KAZN: variants seen among roughly 807,000 people sequenced by gnomAD.
KAZN encodes kazrin, periplakin interacting protein, also known as kazrin.
KAZN carries 40 observed loss-of-function variants against 87.4 expected under a neutral mutation model. The observed-to-expected ratio is 0.46, with a 90% CI of 0.36 to 0.60. The LOEUF (loss-of-function observed/expected upper bound fraction) is 0.60. Among genes scored for constraint, KAZN ranks in the 20% least tolerant of loss-of-function variants. The probability of loss-of-function intolerance (pLI) is 0.00; values close to 1 mark genes in which losing one functional copy is unlikely to be tolerated. For synonymous variants in KAZN, 466 were observed against 458.3 expected, an observed-to-expected ratio of 1.02 and a Z score of -0.22; for missense variants, 898 against 1,073.9, an observed-to-expected ratio of 0.84 and a Z score of 2.29.
At chr1:14,719,116 C>T (rs1642960237) in intron 1 of KAZN, among the ~76,000 whole-genome samples, 1 of 152,204 alleles carries the variant, frequency 6.6e-6, no homozygotes, top group African/African-American at 2.4e-5. Flanking sequence ...CATGTACTCT[C>T]TGCTTGCTGG....
At chr1:15,021,000 C>G (rs544573485) in intron 2 of KAZN, among the ~76,000 whole-genome samples, 25 of 152,330 alleles carry the variant, frequency 1.6e-4, no homozygotes, top group Admixed American at 5.9e-4. Context: ...CTGCCTTCAA[C>G]AACCCTGCTG....
At chr1:13,920,832 A>G (rs943167434) in intron 1 of KAZN, among the ~76,000 whole-genome samples, 23 of 152,148 alleles carry the variant, frequency 1.5e-4, no homozygotes, top group East Asian at 1.9e-4. Context: ...GGTCACGCTG[A>G]CATTGGCCAT....
At chr1:14,798,102 A>G (rs992218293) in intron 1 of KAZN, among the ~76,000 whole-genome samples, 1 of 152,172 alleles carries the variant, frequency 6.6e-6, no homozygotes, top group Non-Finnish European at 1.5e-5. Context: ...GCAAGTTTCA[A>G]ACTCACGCAT....
chr1:13,903,711 G>A (rs1639332038), intron 1 of KAZN, among the ~76,000 whole-genome samples: 1 of 152,212 alleles, frequency 6.6e-6, no homozygotes, highest in Admixed American at 6.5e-5. Context: ...AAGGGAGGAG[G>A]ATGTTTTCAT....
intron 2 of KAZN, among the ~76,000 whole-genome samples, chr1:14,401,020 A>G (rs1468279777): frequency 6.6e-6 from 1 of 152,222 alleles, no homozygotes; most frequent in Non-Finnish European, 1.5e-5. Flanking sequence ...TTCCAAAAAC[A>G]AGGAAGCATA....
At chr1:14,617,333 G>A (rs1221412127) in intron 1 of KAZN, among the ~76,000 whole-genome samples, 1 of 152,170 alleles carries the variant, frequency 6.6e-6, no homozygotes, top group Non-Finnish European at 1.5e-5. Flanking sequence ...CCTATTAAGT[G>A]TACAATAGCA....
At chr1:14,364,433 A>G (rs1377049169) in intron 2 of KAZN, among the ~76,000 whole-genome samples, 1 of 152,166 alleles carries the variant, frequency 6.6e-6, no homozygotes, top group African/African-American at 2.4e-5. Flanking sequence ...TGGCACACAC[A>G]ATACATTTCT....
At chr1:14,532,023 T>C (rs1672232818) in intron 2 of KAZN, among the ~76,000 whole-genome samples, 3 of 152,166 alleles carry the variant, frequency 2.0e-5, no homozygotes, top group Admixed American at 2.0e-4. Context: ...TTTCACGTGC[T>C]CTTTTTTCAT....
At chr1:14,926,208 T>A (rs1659154513) in intron 1 of KAZN, among the ~76,000 whole-genome samples, 1 of 152,226 alleles carries the variant, frequency 6.6e-6, no homozygotes, top group South Asian at 2.1e-4. Context: ...ATGACTTTTG[T>A]CTTGTCTGTA....
In KAZN at chr1:14,848,062, C is replaced by T. The variant is rs186669905; in HGVS notation, c.227-112622C>T. ...TCAATGAATAAATGAATGTCACATA[C>T]GCATGAAAAACATGCAAATTTGAGG... On this transcript the variant is annotated intron_variant, in intron 1 of 14. Transcript: ENST00000376030. 9.8e-5 allele frequency among the ~76,000 whole-genome samples: 15 copies of T among 152,308 alleles called. No individual in the cohort carries two copies. In the East Asian group the frequency reaches 1.2e-3, roughly 12 times the overall value.
chr1:14,139,624 C>G (rs1429199107), intron 1 of KAZN, among the ~76,000 whole-genome samples: 1 of 152,194 alleles, frequency 6.6e-6, no homozygotes, highest in Non-Finnish European at 1.5e-5. Context: ...TTTCCCTCCT[C>G]TGGACAATTA....
intron 1 of KAZN, among the ~76,000 whole-genome samples, chr1:14,050,101 T>C (rs1424125654): frequency 2.0e-5 from 3 of 151,304 alleles, no homozygotes; most frequent in East Asian, 1.9e-4. Flanking sequence ...TGTGTGCATG[T>C]ATGTGCACAT....
At chr1:14,179,366 ACTTG>A (rs1646148553) in intron 1 of KAZN, among the ~76,000 whole-genome samples, 1 of 152,226 alleles carries the variant, frequency 6.6e-6, no homozygotes, top group Non-Finnish European at 1.5e-5. Flanking sequence ...TTAGGACTCA[ACTTG>A]CTTTTTCATA....
intron 1 of KAZN, among the ~76,000 whole-genome samples, chr1:14,134,969 GCACACACACACACACACACACA>G (rs35930772): frequency 1.0e-5 from 1 of 99,000 alleles, no homozygotes; most frequent in Non-Finnish European, 1.9e-5. Context: ...ATATGCACCC[GCACACACACACACACACACACA>G]CACACACACA....
intron 1 of KAZN, among the ~76,000 whole-genome samples, chr1:14,755,759 G>T (rs1255477278): frequency 2.0e-5 from 3 of 152,180 alleles, no homozygotes; most frequent in African/African-American, 7.2e-5. Context: ...TGATCACTCA[G>T]ATGGCATTTA....
chr1:14,980,463 G>A (rs572689447), intron 2 of KAZN, among the ~76,000 whole-genome samples: 19 of 152,142 alleles, frequency 1.2e-4, no homozygotes, highest in Non-Finnish European at 2.1e-4. Context: ...CAGGCTGGAC[G>A]TTCGTGCTAC....
At chr1:14,186,113 G>T (rs1205053136) in intron 2 of KAZN, among the ~76,000 whole-genome samples, 1 of 152,152 alleles carries the variant, frequency 6.6e-6, no homozygotes, top group Non-Finnish European at 1.5e-5. Context: ...TTGGGAATTT[G>T]TTGGTGCAAA....
intron 2 of KAZN, among the ~76,000 whole-genome samples, chr1:14,455,385 C>T (rs1667510645): frequency 1.3e-5 from 2 of 152,144 alleles, no homozygotes; most frequent in African/African-American, 4.8e-5. Context: ...TTCCCCAGCT[C>T]TTCTGGAACT....
chr1:14,952,376 G>A (rs11581125), intron 1 of KAZN, among the ~76,000 whole-genome samples: 8,006 of 151,946 alleles, frequency 0.053, 731 homozygotes, highest in African/African-American at 0.18. Context: ...CCCCTTTCAC[G>A]GGGGCCTGCT....
Sources: gnomAD v4.1 joint callset for allele counts (sites outside exome capture counted in the v4.1 genomes callset) on GRCh38, gnomAD v4.1.1 for gene constraint, MANE v1.5 for transcripts, NCBI Gene and HGNC (gene_info 2026-07-23, HGNC 2026-07-21) for gene names.